The following GALNT13 variants were observed in gnomAD, a reference collection of about 807,000 sequenced individuals.
GALNT13 encodes the protein UDP-GalNAc:polypeptide N-acetylgalactosaminyltransferase 13.
Under a neutral mutation model 64.2 loss-of-function variants are expected in GALNT13, and 28 were observed. The ratio of observed to expected loss-of-function variants is 0.44; its 90% CI spans 0.32 to 0.60. GALNT13 has a LOEUF of 0.60. GALNT13 is among the 20% of genes least tolerant of loss of function. The pLI is 0.05. For missense variants in GALNT13, 577 were observed against 669.8 expected (o/e 0.86, Z 1.53); for synonymous variants, 214 against 224.6 (o/e 0.95, Z 0.42).
chr2:153,341,508 C>CTA, the GALNT13 span, among the ~76,000 whole-genome samples: 1 of 152,204 alleles, frequency 6.6e-6, no homozygotes, highest in Non-Finnish European at 1.5e-5. Flanking sequence ...CTTCTTACAG[C>CTA]ATATCAATGA....
At chr2:154,108,764 G>A (rs1204561436) in intron 3 of GALNT13, among the ~76,000 whole-genome samples, 1 of 151,714 alleles carries the variant, frequency 6.6e-6, no homozygotes, top group African/African-American at 2.4e-5. Context: ...TATGAGTTTT[G>A]TATACAGTAT....
At chr2:154,312,261 TC>T (rs1694087852) in intron 9 of GALNT13, among the ~76,000 whole-genome samples, 1 of 152,226 alleles carries the variant, frequency 6.6e-6, no homozygotes, top group Admixed American at 6.5e-5. Flanking sequence ...CAATCCACAT[TC>T]TTCTGCCATG....
At chr2:153,967,223 G>C (rs550953509) in intron 3 of GALNT13, among the ~76,000 whole-genome samples, 1 of 152,242 alleles carries the variant, frequency 6.6e-6, no homozygotes, top group South Asian at 2.1e-4. Flanking sequence ...TCAAGGATTG[G>C]TCACTGGTGC....
chr2:154,140,647 A>C, intron 4 of GALNT13, 142 bp downstream of exon 4: 1 of 496,562 alleles, frequency 2.0e-6, no homozygotes, highest in Non-Finnish European at 3.5e-6. Context: ...TTTATTGTGC[A>C]TGCATATGCT....
chr2:154,272,019 A>G (rs563437339), intron 8 of GALNT13, among the ~76,000 whole-genome samples: 4 of 151,978 alleles, frequency 2.6e-5, no homozygotes, highest in Non-Finnish European at 5.9e-5. Flanking sequence ...CATAAAAAGA[A>G]AAAGAAATCG....
chr2:153,070,693 A>T, the GALNT13 span, among the ~76,000 whole-genome samples: 1 of 152,212 alleles, frequency 6.6e-6, no homozygotes, highest in African/African-American at 2.4e-5. Flanking sequence ...TGCAGTACAT[A>T]TGGAGACACC....
chr2:154,193,642 T>C (rs984309517), intron 4 of GALNT13, among the ~76,000 whole-genome samples: 1 of 152,240 alleles, frequency 6.6e-6, no homozygotes, highest in African/African-American at 2.4e-5. Context: ...GATTCAGTGC[T>C]GCACCCTAGT....
At chr2:153,947,848 T>C (rs1159727029) in intron 3 of GALNT13, among the ~76,000 whole-genome samples, 3 of 152,118 alleles carry the variant, frequency 2.0e-5, no homozygotes, top group African/African-American at 7.2e-5. Context: ...CATCTTGAGT[T>C]AATTTTCCAT....
chr2:153,707,613 G>A, the GALNT13 span, among the ~76,000 whole-genome samples: 3 of 152,188 alleles, frequency 2.0e-5, no homozygotes, highest in Non-Finnish European at 2.9e-5. Context: ...CCTTGTACAA[G>A]CTCACTTGAG....
chr2:153,305,255 G>A, the GALNT13 span, among the ~76,000 whole-genome samples: 3 of 152,008 alleles, frequency 2.0e-5, no homozygotes, highest in Admixed American at 1.3e-4. Flanking sequence ...TAGCAATTAT[G>A]GTAGAAATGA....
chr2:154,239,090 A>T (rs1010330106), intron 4 of GALNT13, among the ~76,000 whole-genome samples: 1 of 152,156 alleles, frequency 6.6e-6, no homozygotes, highest in East Asian at 1.9e-4. Context: ...CTAAGTAAAC[A>T]TGATAGCTAC....
At chr2:153,642,665 G>A in the GALNT13 span, among the ~76,000 whole-genome samples, 1 of 151,826 alleles carries the variant, frequency 6.6e-6, no homozygotes, top group African/African-American at 2.4e-5. Context: ...AGATTTCATA[G>A]CAGTTTGCAA....
the GALNT13 span, among the ~76,000 whole-genome samples, chr2:153,072,955 G>C: frequency 6.6e-6 from 1 of 152,122 alleles, no homozygotes; most frequent in Non-Finnish European, 1.5e-5. Context: ...TTATGCGGTA[G>C]CATGTTTCAG....
At chr2:154,384,997 T>C (rs1698440381) in intron 9 of GALNT13, among the ~76,000 whole-genome samples, 1 of 151,140 alleles carries the variant, frequency 6.6e-6, no homozygotes, top group Non-Finnish European at 1.5e-5. Flanking sequence ...GGAAAACATA[T>C]TTGCACATGC....
chr2:154,144,172 C>T (rs1683431790), intron 4 of GALNT13, among the ~76,000 whole-genome samples: 2 of 151,826 alleles, frequency 1.3e-5, no homozygotes, highest in Admixed American at 1.3e-4. Flanking sequence ...ACAGTAATAC[C>T]ATCCAAAATT....
intron 7 of GALNT13, among the ~76,000 whole-genome samples, chr2:154,247,342 C>G (rs1689835565): frequency 6.6e-6 from 1 of 151,864 alleles, no homozygotes; most frequent in African/African-American, 2.4e-5. Flanking sequence ...ATTAGATATT[C>G]TATTTTCCCA....
intron 3 of GALNT13, among the ~76,000 whole-genome samples, chr2:153,953,304 GATAC>G (rs1692330816): frequency 6.6e-6 from 1 of 151,996 alleles, no homozygotes; most frequent in Non-Finnish European, 1.5e-5. Context: ...ATAGAAAAAA[GATAC>G]ATACATTAGT....
chr2:153,190,974 A>C, the GALNT13 span, among the ~76,000 whole-genome samples: 1 of 150,274 alleles, frequency 6.7e-6, no homozygotes, highest in African/African-American at 2.5e-5. Flanking sequence ...AGGTTTTTTT[A>C]AGGTCTTTTG....
intron 2 of GALNT13, among the ~76,000 whole-genome samples, chr2:153,933,703 T>C (rs11895065): frequency 0.18 from 28,068 of 151,990 alleles, 4,779 homozygotes; most frequent in East Asian, 0.75. Context: ...TTATTTAAGT[T>C]TGTTTGTTTG....
Sources: gnomAD v4.1 joint callset for allele counts (sites outside exome capture counted in the v4.1 genomes callset) on GRCh38, gnomAD v4.1.1 for gene constraint, MANE v1.5 for transcripts, NCBI Gene and HGNC (gene_info 2026-07-23, HGNC 2026-07-21) for gene names.